CLNK: variants seen among roughly 807,000 people sequenced by gnomAD.
CLNK encodes cytokine-dependent hematopoietic cell linker.
A neutral mutation model predicts 68.6 loss-of-function variants in CLNK; 74 were observed. The observed-to-expected ratio is 1.08, with a 90% CI of 0.89 to 1.31. The LOEUF (loss-of-function observed/expected upper bound fraction) is 1.31. Among genes scored for constraint, CLNK ranks in the 50% most tolerant of loss-of-function variants. The pLI is 0.00. For synonymous variants in CLNK, 198 were observed against 172.2 expected, an observed-to-expected ratio of 1.15 and a Z score of -1.17; for missense variants, 553 against 515.3, an observed-to-expected ratio of 1.07 and a Z score of -0.71.
intron 17 of CLNK, among the ~76,000 whole-genome samples, chr4:10,503,776 T>C (rs1717160869): frequency 3.3e-5 from 2 of 59,972 alleles, no homozygotes; most frequent in African/African-American, 2.0e-4. Flanking sequence ...TAGAGACTTT[T>C]TTTTTTTTTT....
the CLNK span, among the ~76,000 whole-genome samples, chr4:10,708,405 A>G: frequency 6.6e-6 from 1 of 152,108 alleles, no homozygotes; most frequent in South Asian, 2.1e-4. Context: ...CTATTTTACA[A>G]ATGAGGAATC....
upstream of CLNK, among the ~76,000 whole-genome samples, chr4:10,686,732 G>A (rs1725285912): frequency 6.6e-6 from 1 of 151,686 alleles, no homozygotes; most frequent in Non-Finnish European, 1.5e-5. Flanking sequence ...GTGAATTATT[G>A]TGGTCTTCAT....
intron 2 of CLNK, among the ~76,000 whole-genome samples, chr4:10,608,441 A>G (rs568996049): frequency 6.6e-6 from 1 of 152,040 alleles, no homozygotes; most frequent in Non-Finnish European, 1.5e-5. Context: ...ATCTTTCCCA[A>G]ATGTGTCTAG....
chr4:10,671,483 A>G (rs1293384824), intron 1 of CLNK, among the ~76,000 whole-genome samples: 1 of 152,216 alleles, frequency 6.6e-6, no homozygotes, highest in Admixed American at 6.5e-5. Context: ...AAGAGATGGC[A>G]TTCTACAGGG....
chr4:10,725,405 T>G, the CLNK span, among the ~76,000 whole-genome samples: 1 of 152,092 alleles, frequency 6.6e-6, no homozygotes, highest in African/African-American at 2.4e-5. Flanking sequence ...CAAGATATTT[T>G]CTGGAACTGG....
At chr4:10,654,708 G>A (rs182684765) in intron 2 of CLNK, among the ~76,000 whole-genome samples, 1 of 152,094 alleles carries the variant, frequency 6.6e-6, no homozygotes, top group Admixed American at 6.5e-5. Context: ...GAAGCCTGTT[G>A]TCTGCATCCC....
chr4:10,723,660 G>A, the CLNK span, among the ~76,000 whole-genome samples: 1 of 152,188 alleles, frequency 6.6e-6, no homozygotes, highest in East Asian at 1.9e-4. Context: ...CTTGTTCATT[G>A]AGACCCTTGT....
intron 1 of CLNK, among the ~76,000 whole-genome samples, chr4:10,671,998 G>C (rs757552933): frequency 6.6e-6 from 1 of 152,024 alleles, no homozygotes; most frequent in Admixed American, 6.6e-5. Context: ...AGCTACTTAG[G>C]TCGTAAGTCA....
At chr4:10,611,038 G>C (rs949708058) in intron 2 of CLNK, among the ~76,000 whole-genome samples, 7 of 152,082 alleles carry the variant, frequency 4.6e-5, no homozygotes, top group African/African-American at 1.7e-4. Flanking sequence ...ACAAAAATTA[G>C]GCTGGGCGCA....
At chr4:10,536,299 G>A (rs1159354526) in intron 11 of CLNK, among the ~76,000 whole-genome samples, 1 of 152,166 alleles carries the variant, frequency 6.6e-6, no homozygotes, top group African/African-American at 2.4e-5. Flanking sequence ...TGCATGGTTC[G>A]GCTGCAGAAG....
intron 3 of CLNK, among the ~76,000 whole-genome samples, chr4:10,594,386 TTGCACTCCTGGTAACCA>T: frequency 6.6e-6 from 1 of 152,330 alleles, no homozygotes; most frequent in East Asian, 1.9e-4. Flanking sequence ...ACTTGGAAGC[TTGCACTCCTGGTAACCA>T]TGCTTCCATC....
chr4:10,733,379 G>C, the CLNK span, among the ~76,000 whole-genome samples: 3 of 152,210 alleles, frequency 2.0e-5, no homozygotes, highest in Middle Eastern at 6.8e-3. Flanking sequence ...CCTGGGCCAG[G>C]TGAGTCTTAA....
chr4:10,719,858 ATACAGAGCCAAT>A, the CLNK span, among the ~76,000 whole-genome samples: 1 of 152,326 alleles, frequency 6.6e-6, no homozygotes, highest in South Asian at 2.1e-4. Context: ...ATTTAAAATC[ATACAGAGCCAAT>A]GTGGAATCAA....
chr4:10,675,449 T>C (rs1173469405), intron 1 of CLNK, among the ~76,000 whole-genome samples: 1 of 152,214 alleles, frequency 6.6e-6, no homozygotes, highest in Non-Finnish European at 1.5e-5. Context: ...TAGAAATATG[T>C]AATGCAACAA....
Position 10,667,492 on chromosome 4 carries a change from T to C in CLNK, c.11+367A>G, listed in dbSNP as rs577111173. Among the ~76,000 whole-genome samples the C allele has an allele frequency of 3.2e-4, 49 of 151,764 alleles. No homozygotes were observed. The East Asian group carries it at 6.2e-3, about 19-fold the overall frequency. On this transcript the variant is annotated intron_variant, in intron 2 of 18. Coordinates refer to ENST00000226951, the MANE Select transcript of CLNK (RefSeq NM_052964.4). ...ACTTTTGGTGTCCACAAAGAGAAAG[T>C]TGGACTCCAGGCTTTCTCCTGTGGG...
At chr4:10,633,509 T>G (rs1263333238) in intron 2 of CLNK, among the ~76,000 whole-genome samples, 1 of 152,184 alleles carries the variant, frequency 6.6e-6, no homozygotes, top group East Asian at 1.9e-4. Context: ...ATGGTGAATT[T>G]AATTGTGATC....
At chr4:10,584,116 G>T (rs536329522) in intron 4 of CLNK, among the ~76,000 whole-genome samples, 5 of 152,274 alleles carry the variant, frequency 3.3e-5, no homozygotes, top group African/African-American at 1.2e-4. Flanking sequence ...TCTGTAGAGG[G>T]ATTAAGGCTG....
chr4:10,599,319 G>C (rs1721499891), intron 2 of CLNK, among the ~76,000 whole-genome samples: 1 of 152,192 alleles, frequency 6.6e-6, no homozygotes. Flanking sequence ...GGATTTGCCT[G>C]TAGCCCATAG....
intron 11 of CLNK, among the ~76,000 whole-genome samples, chr4:10,537,381 G>A (rs1398152188): frequency 1.3e-5 from 2 of 152,172 alleles, no homozygotes; most frequent in East Asian, 3.9e-4. Flanking sequence ...AGGAGGTTGA[G>A]TCAGGAGAAT....
Sources: gnomAD v4.1 joint callset for allele counts (sites outside exome capture counted in the v4.1 genomes callset) on GRCh38, gnomAD v4.1.1 for gene constraint, MANE v1.5 for transcripts, NCBI Gene and HGNC (gene_info 2026-07-23, HGNC 2026-07-21) for gene names.